WNT2: variants seen among roughly 807,000 people sequenced by gnomAD.
WNT2 encodes the protein protein Wnt-2.
A neutral mutation model predicts 36.9 loss-of-function variants in WNT2; 12 were observed. The ratio of observed to expected loss-of-function variants is 0.33; its 90% confidence interval spans 0.21 to 0.53. WNT2 has a LOEUF of 0.53. Ranked by LOEUF, WNT2 falls within the 20% of genes least tolerant of loss-of-function variation. The pLI is 0.95. For synonymous variants in WNT2, 163 were observed against 174.6 expected (o/e 0.93, Z 0.52); for missense variants, 379 against 473.1 (o/e 0.80, Z 1.84).
chr7:117,278,420 C>G (rs1479321803), intron 4 of WNT2, 36 bp from the exon 5 acceptor site: 5 of 1,585,004 alleles, frequency 3.2e-6, no homozygotes, highest in Non-Finnish European at 4.3e-6. Context: ...CTGAAAAGGT[C>G]TGGGTGGAAT....
In WNT2 at chr7:117,275,576, A is replaced by G. The variant is rs1407959383; in HGVS notation, c.*2579T>C. ...GAATTTATAAGGGGATTTCCCAATT[A>G]TTTTGTTTTGGCTAATTTGTGCCAT... is the stretch of plus-strand genomic sequence containing the variant. On this transcript the variant is annotated 3_prime_UTR_variant, in exon 5 of 5. Coordinates refer to ENST00000265441, the MANE Select transcript of WNT2 (RefSeq NM_003391.3). Among the ~76,000 whole-genome samples, 2 of 152,146 alleles carry G rather than the reference A, an allele frequency of 1.3e-5. No homozygotes were observed. The highest frequency in any genetic ancestry group is 2.9e-5 in the Non-Finnish European group (2 of 68,012).
At chr7:117,320,961 C>T (rs1376668474) in intron 1 of WNT2, among the ~76,000 whole-genome samples, 168 bp from the exon 2 acceptor site, 1 of 152,168 alleles carries the variant, frequency 6.6e-6, no homozygotes, top group East Asian at 1.9e-4. Context: ...GTGGAGAAAC[C>T]GGCAAGGCAG....
At chr7:117,304,807 A>T (rs1273077322) in intron 3 of WNT2, among the ~76,000 whole-genome samples, 1 of 152,134 alleles carries the variant, frequency 6.6e-6, no homozygotes. Flanking sequence ...TATGTCACTT[A>T]TGTTTTCTCT....
chr7:117,306,129 C>T (rs1562828380), intron 3 of WNT2, among the ~76,000 whole-genome samples: 1 of 152,172 alleles, frequency 6.6e-6, no homozygotes, highest in Non-Finnish European at 1.5e-5. Flanking sequence ...TATTCATTTG[C>T]TTTCCATTTT....
rs1446728411 is a variant in WNT2, at chr7:117,284,008, G to A, written c.854-5624C>T. Among the ~76,000 whole-genome samples the A allele has an allele frequency of 1.3e-5, 2 of 152,070 alleles. No homozygotes were observed. Among genetic ancestry groups the A allele is most frequent in the Non-Finnish European group, 2.9e-5 (2 of 68,034 alleles). The stretch of plus-strand genomic sequence containing the variant: ...TGGGCCAACTGGGCGGGAAAGGGCA[G>A]TCCCTGCAGCTGGAAGGGAGGATGA... On this transcript the variant is annotated intron_variant, in intron 4 of 4. Coordinates refer to ENST00000265441, the MANE Select transcript of WNT2 (RefSeq NM_003391.3). The surrounding 1 kb of genome is among the most constrained non-coding windows in gnomAD (Gnocchi z 5.2).
At chr7:117,288,720 T>C (rs894975240) in intron 4 of WNT2, among the ~76,000 whole-genome samples, 4 of 152,168 alleles carry the variant, frequency 2.6e-5, no homozygotes, top group Admixed American at 1.3e-4. Flanking sequence ...TCTTTTTTTT[T>C]AGAAAAAAAA....
chr7:117,286,415 C>CTCTCTCCCCGCCCT (rs1794580433), intron 4 of WNT2, among the ~76,000 whole-genome samples: 1 of 151,980 alleles, frequency 6.6e-6, no homozygotes, highest in South Asian at 2.1e-4. Flanking sequence ...CTCTTTCTCT[C>CTCTCTCCCCGCCCT]TCTCTCCCCG....
In WNT2 at chr7:117,281,037, G is replaced by A. The variant is rs550770549; in HGVS notation, c.854-2653C>T. The stretch of plus-strand genomic sequence containing the variant: ...ATCAACTGCACAGTTTTACAGAGGA[G>A]GTAGCATTAGAGATAGGTGTAAAGG... On this transcript the variant is annotated intron_variant, in intron 4 of 4. Coordinates refer to ENST00000265441, the MANE Select transcript of WNT2 (RefSeq NM_003391.3). Among the ~76,000 whole-genome samples, 10 of 152,298 alleles carry A rather than the reference G, an allele frequency of 6.6e-5. 1 individual carries two copies. The South Asian group carries it at 2.1e-3, about 32-fold the overall frequency.
chr7:117,297,909 G>A, intron 3 of WNT2, 33 bp from the exon 4 acceptor site: 2 of 1,581,608 alleles, frequency 1.3e-6, no homozygotes, highest in Admixed American at 3.4e-5. Flanking sequence ...GTTCAGTGAG[G>A]TTCGAGCAGG....
At chr7:117,289,859 T>C (rs1320295559) in intron 4 of WNT2, among the ~76,000 whole-genome samples, 1 of 152,012 alleles carries the variant, frequency 6.6e-6, no homozygotes, top group Non-Finnish European at 1.5e-5. Flanking sequence ...GTAGTAAGGA[T>C]GGAGAAGCAG....
intron 4 of WNT2, among the ~76,000 whole-genome samples, chr7:117,281,616 GA>G (rs1461235888): frequency 1.3e-5 from 2 of 152,104 alleles, no homozygotes; most frequent in African/African-American, 4.8e-5. Context: ...CTTTAATTCT[GA>G]AAACTAGGTC....
chr7:117,318,843 A>G (rs1026095014), intron 2 of WNT2, among the ~76,000 whole-genome samples: 1 of 152,204 alleles, frequency 6.6e-6, no homozygotes, highest in Non-Finnish European at 1.5e-5. Context: ...CAGCAATTCT[A>G]CAGCTCTGAA....
intron 4 of WNT2, among the ~76,000 whole-genome samples, chr7:117,282,023 T>C (rs1265980771): frequency 6.6e-6 from 1 of 152,232 alleles, no homozygotes; most frequent in Non-Finnish European, 1.5e-5. Flanking sequence ...AAGATTATTT[T>C]AGGCCATTAC....
intron 4 of WNT2, among the ~76,000 whole-genome samples, chr7:117,296,491 A>AT (rs1794792699): frequency 6.6e-6 from 1 of 152,122 alleles, no homozygotes; most frequent in African/African-American, 2.4e-5. Context: ...TTATTTTGAA[A>AT]TAAAAAAAAA....
intron 1 of WNT2, 106 bp from the exon 2 acceptor site, chr7:117,320,899 T>C: frequency 2.1e-6 from 2 of 950,008 alleles, no homozygotes; most frequent in Non-Finnish European, 3.2e-6. Flanking sequence ...AAATATGAAT[T>C]CCTTATCCTT....
chr7:117,311,393 C>T (rs1795119254), intron 3 of WNT2, among the ~76,000 whole-genome samples: 2 of 152,138 alleles, frequency 1.3e-5, no homozygotes, highest in African/African-American at 2.4e-5. Flanking sequence ...GACAAGGGCA[C>T]ATGGGAGAAC....
rs540829264 is a variant in WNT2, at chr7:117,312,805, C to T, written c.588+2266G>A. Among the ~76,000 whole-genome samples, 29 of 152,266 alleles carry T rather than the reference C, an allele frequency of 1.9e-4. No individual in the cohort carries two copies. The South Asian group carries it at 6.0e-3, about 32-fold the overall frequency. ...CACATGAGGGTGCTCTAACCAACTG[C>T]TATAATAAATAAATTGTTCAAATAT... On this transcript the variant is annotated intron_variant, in intron 3 of 4. Coordinates refer to ENST00000265441, the MANE Select transcript of WNT2 (RefSeq NM_003391.3).
At position 117,278,038 on chromosome 7, in the gene WNT2, G is replaced by T; in HGVS notation, c.*117C>A. The T allele has an allele frequency of 8.1e-7, 1 of 1,232,124 alleles. No individual in the cohort carries two copies. Among genetic ancestry groups the T allele is most frequent in the Non-Finnish European group, 1.1e-6 (1 of 875,242 alleles). 76.3% of individuals were successfully genotyped at this position (1,232,124 alleles called of 1,614,324 possible). On this transcript the variant is annotated 3_prime_UTR_variant, in exon 5 of 5. Transcript: ENST00000265441. ...GGGAGGAAGAGGGGGCTTCCGTTGA[G>T]ATAAAGGCCACATGCCTTAGGAAAT...
intron 4 of WNT2, among the ~76,000 whole-genome samples, chr7:117,288,713 T>C (rs550362401): frequency 6.7e-6 from 1 of 149,736 alleles, no homozygotes; most frequent in Non-Finnish European, 1.5e-5. Context: ...AAAAGTATCT[T>C]TTTTTTTAGA....
Sources: allele counts gnomAD v4.1 joint callset (sites outside exome capture counted in the v4.1 genomes callset), GRCh38; gene constraint gnomAD v4.1.1; non-coding constraint Gnocchi (gnomAD v3.1); transcripts MANE v1.5; gene names NCBI Gene and HGNC (gene_info 2026-07-23, HGNC 2026-07-21).